Variants in AOAH observed in about 807,000 individuals in gnomAD.
AOAH encodes acyloxyacyl hydrolase.
In AOAH, 64 loss-of-function variants were observed where a neutral mutation model predicts 92.2. The observed-to-expected ratio is 0.69, with a 90% CI of 0.57 to 0.86. AOAH has a LOEUF of 0.86. AOAH is among the 40% of genes least tolerant of loss of function. The probability of loss-of-function intolerance (pLI) is 0.00; values close to 1 mark genes in which losing one functional copy is unlikely to be tolerated. For missense variants in AOAH, 656 were observed against 694.6 expected (o/e 0.94, Z 0.62); for synonymous variants, 263 against 254.5 (o/e 1.03, Z -0.32).
intron 1 of AOAH, among the ~76,000 whole-genome samples, chr7:36,712,486 G>A (rs945543349): frequency 2.8e-4 from 42 of 152,114 alleles, no homozygotes; most frequent in African/African-American, 9.4e-4. Flanking sequence ...AATCACCCAT[G>A]TAAAGAAATG....
chr7:36,702,601 T>A (rs1178024761), intron 1 of AOAH, among the ~76,000 whole-genome samples: 1 of 152,226 alleles, frequency 6.6e-6, no homozygotes, highest in East Asian at 1.9e-4. Flanking sequence ...TACTGGAGTC[T>A]TTTAAATGTG....
intron 1 of AOAH, among the ~76,000 whole-genome samples, chr7:36,712,416 C>T (rs1488310093): frequency 6.6e-6 from 1 of 152,144 alleles, no homozygotes; most frequent in East Asian, 1.9e-4. Context: ...AAAAAACGAA[C>T]ATTCAGTGAA....
intron 1 of AOAH, among the ~76,000 whole-genome samples, chr7:36,699,150 C>T (rs1173758653): frequency 1.3e-5 from 2 of 151,864 alleles, no homozygotes; most frequent in Non-Finnish European, 1.5e-5. Flanking sequence ...TTCTTTATTG[C>T]GGTGGAATAA....
intron 13 of AOAH, among the ~76,000 whole-genome samples, chr7:36,552,082 T>C (rs188694106): frequency 6.6e-6 from 1 of 152,252 alleles, no homozygotes; most frequent in African/African-American, 2.4e-5. Context: ...GATACATGTG[T>C]AGGTTTGTTA....
At chr7:36,690,157 G>A (rs1797300544) in intron 1 of AOAH, 1 of 454,982 alleles carries the variant, frequency 2.2e-6, no homozygotes, top group African/African-American at 2.0e-5. Context: ...TCTTATGACA[G>A]TTGTGGCTTC....
intron 1 of AOAH, among the ~76,000 whole-genome samples, chr7:36,721,962 G>C (rs1799656138): frequency 6.6e-6 from 1 of 152,118 alleles, no homozygotes; most frequent in Admixed American, 6.5e-5. Context: ...AGGTAAGAAA[G>C]CCTACTACCC....
intron 6 of AOAH, 69 bp downstream of exon 6, chr7:36,631,967 T>A: frequency 7.9e-7 from 1 of 1,270,282 alleles, no homozygotes; most frequent in Non-Finnish European, 1.1e-6. Flanking sequence ...TTTTGGTCAT[T>A]AGAAAAGGGG....
intron 2 of AOAH, among the ~76,000 whole-genome samples, chr7:36,678,612 C>CGCGCGCGCGT (rs1237289188): frequency 1.7e-4 from 19 of 111,654 alleles, no homozygotes; most frequent in African/African-American, 6.1e-4. Flanking sequence ...CGCGCGCGCG[C>CGCGCGCGCGT]GCGTTAGAAT....
intron 20 of AOAH, chr7:36,514,570 T>C: frequency 6.5e-7 from 1 of 1,535,788 alleles, no homozygotes; most frequent in Non-Finnish European, 8.7e-7. Flanking sequence ...TTAATATGCC[T>C]TTGAGGAGGA....
At chr7:36,534,956 A>ATGTG (rs1784922472) in intron 16 of AOAH, among the ~76,000 whole-genome samples, 1 of 9,552 alleles carries the variant, frequency 1.0e-4, no homozygotes, top group South Asian at 9.4e-3. Context: ...CTGTGTGTGT[A>ATGTG]TCTGTGTCTG....
At position 36,724,190 on chromosome 7, in the gene AOAH, C is replaced by T; in HGVS notation, c.-42G>A. On this transcript the variant is annotated 5_prime_UTR_variant, in exon 1 of 21. Coordinates refer to ENST00000617537, the MANE Select transcript of AOAH (RefSeq NM_001637.4). Reference sequence around the variant, plus strand: ...CCAAGTGATCACCCGGCTTTGGAAGCTCCCAACTGAGGGATGCTGGAGCTG... The same window carrying T: ...CCAAGTGATCACCCGGCTTTGGAAGTTCCCAACTGAGGGATGCTGGAGCTG... 1 of 1,607,128 alleles carries T rather than the reference C, an allele frequency of 6.2e-7. No homozygotes were observed.
chr7:36,551,862 ATCT>A (rs1176472926), intron 13 of AOAH, among the ~76,000 whole-genome samples: 5 of 152,170 alleles, frequency 3.3e-5, no homozygotes, highest in African/African-American at 1.2e-4. Flanking sequence ...TGACTATATC[ATCT>A]TCTTTCTTTT....
At chr7:36,543,950 T>TCTTTC (rs1554282867) in intron 15 of AOAH, among the ~76,000 whole-genome samples, 7 of 122,886 alleles carry the variant, frequency 5.7e-5, no homozygotes, top group African/African-American at 2.1e-4. Context: ...TTTCTTTCTT[T>TCTTTC]TTTTTTTTTT....
At chr7:36,554,422 C>T (rs1786527237) in intron 13 of AOAH, among the ~76,000 whole-genome samples, 1 of 152,168 alleles carries the variant, frequency 6.6e-6, no homozygotes, top group East Asian at 1.9e-4. Flanking sequence ...TAGCATGATG[C>T]CTCCAGCTTT....
intron 1 of AOAH, among the ~76,000 whole-genome samples, chr7:36,698,414 C>T (rs1797842694): frequency 6.6e-6 from 1 of 152,020 alleles, no homozygotes; most frequent in Non-Finnish European, 1.5e-5. Flanking sequence ...TATTGCATTC[C>T]TGTTTTTTAT....
At position 36,557,241 on chromosome 7, in the gene AOAH, T is replaced by C. The variant is rs1008984774; in HGVS notation, c.1022-7766A>G. On this transcript the variant is annotated intron_variant, in intron 13 of 20. Coordinates refer to ENST00000617537, the MANE Select transcript of AOAH (RefSeq NM_001637.4). ...AAGGATTTTATTTCTCCTTCACTTATGAAGCTTAGTTTGGCTGGATATGAA... is the reference window on the plus strand; with the variant it reads ...AAGGATTTTATTTCTCCTTCACTTACGAAGCTTAGTTTGGCTGGATATGAA... Among the ~76,000 whole-genome samples, 303 of 152,318 alleles carry C rather than the reference T, an allele frequency of 2.0e-3. 1 individual carries two copies. Among genetic ancestry groups the C allele is most frequent in the African/African-American group, 7.2e-3 (298 of 41,588 alleles).
intron 12 of AOAH, among the ~76,000 whole-genome samples, chr7:36,578,503 G>T (rs1185454506): frequency 1.3e-5 from 2 of 152,120 alleles, no homozygotes; most frequent in Non-Finnish European, 2.9e-5. Context: ...GACTTGTGAT[G>T]ATAAATAGCA....
chr7:36,703,027 T>C (rs1200406810), intron 1 of AOAH, among the ~76,000 whole-genome samples: 2 of 152,178 alleles, frequency 1.3e-5, no homozygotes, highest in African/African-American at 4.8e-5. Context: ...AGAGTAGATT[T>C]CACTTCAAAA....
At chr7:36,648,456 C>G (rs1584026888) in intron 4 of AOAH, among the ~76,000 whole-genome samples, 1 of 151,160 alleles carries the variant, frequency 6.6e-6, no homozygotes, top group East Asian at 1.9e-4. Context: ...CTCTTTGATT[C>G]AAACAGAAAA....
Sources: allele counts gnomAD v4.1 joint callset (sites outside exome capture counted in the v4.1 genomes callset), GRCh38; gene constraint gnomAD v4.1.1; transcripts MANE v1.5; gene names NCBI Gene and HGNC (gene_info 2026-07-23, HGNC 2026-07-21).